Variants in TAOK1 observed in about 807,000 individuals in gnomAD.
The protein encoded by TAOK1 is serine/threonine-protein kinase TAO1.
In TAOK1, 21 loss-of-function variants were observed where a neutral mutation model predicts 138.3. That is an observed-to-expected ratio of 0.15 (90% CI 0.11 to 0.22). The LOEUF (loss-of-function observed/expected upper bound fraction) is 0.22. Among genes scored for constraint, TAOK1 ranks in the 10% least tolerant of loss-of-function variants. The probability of loss-of-function intolerance (pLI) is 1.00; values close to 1 mark genes in which losing one functional copy is unlikely to be tolerated. For missense variants in TAOK1, 651 were observed against 1,227.7 expected (o/e 0.53, Z 7.02); for synonymous variants, 361 against 398.4 (o/e 0.91, Z 1.12).
intron 1 of TAOK1, among the ~76,000 whole-genome samples, chr17:29,413,384 C>T (rs558630255): frequency 6.6e-6 from 1 of 152,018 alleles, no homozygotes; most frequent in Non-Finnish European, 1.5e-5. Flanking sequence ...ATTGTTTGAG[C>T]TCAGGAGTTC....
chr17:29,436,232 A>T (rs1906026877), intron 1 of TAOK1, among the ~76,000 whole-genome samples: 1 of 152,232 alleles, frequency 6.6e-6, no homozygotes, highest in Non-Finnish European at 1.5e-5. Flanking sequence ...GCGGAGAGAA[A>T]CATAACATGC....
intron 15 of TAOK1, chr17:29,513,015 T>A (rs1476809608): frequency 6.6e-6 from 1 of 150,952 alleles, no homozygotes; most frequent in Non-Finnish European, 1.5e-5. Flanking sequence ...TTATTCAAGA[T>A]AGTCACTAGG....
At chr17:29,473,571 T>C (rs900839225) in intron 3 of TAOK1, among the ~76,000 whole-genome samples, 2 of 146,508 alleles carry the variant, frequency 1.4e-5, no homozygotes, top group African/African-American at 5.1e-5. Flanking sequence ...TGCACTCCAG[T>C]GTGGATGGCA....
chr17:29,525,597 G>A (rs2031996255), intron 17 of TAOK1, among the ~76,000 whole-genome samples: 1 of 151,926 alleles, frequency 6.6e-6, no homozygotes. Context: ...GTTTCACCAT[G>A]TTGGCCCTGC....
intron 18 of TAOK1, among the ~76,000 whole-genome samples, chr17:29,531,024 C>T (rs1466994297): frequency 3.0e-5 from 4 of 133,214 alleles, no homozygotes; most frequent in South Asian, 2.4e-4. Flanking sequence ...TCCAGTGGCG[C>T]GATCTCGGCT....
intron 1 of TAOK1, among the ~76,000 whole-genome samples, chr17:29,402,183 G>A (rs10512431): frequency 1.3e-5 from 2 of 151,988 alleles, no homozygotes; most frequent in African/African-American, 2.4e-5. Context: ...CAGTAGTTTT[G>A]GATAATCATG....
chr17:29,466,263 C>T (rs1415002963), intron 2 of TAOK1, among the ~76,000 whole-genome samples: 1 of 152,120 alleles, frequency 6.6e-6, no homozygotes, highest in Non-Finnish European at 1.5e-5. Flanking sequence ...CCTGTCTCAG[C>T]CTCCCAAGTA....
At chr17:29,393,122 G>A (rs1399498844) in intron 1 of TAOK1, among the ~76,000 whole-genome samples, 1 of 152,030 alleles carries the variant, frequency 6.6e-6, no homozygotes, top group East Asian at 1.9e-4. Flanking sequence ...TTGATATGTA[G>A]AGTTTTCTCC....
Position 29,522,369 on chromosome 17 carries a change from C to T in TAOK1, c.1998C>T (p.His666=). The change falls in exon 17 of 20, where the codon CAC becomes CAT. Residue 666 remains histidine, a synonymous_variant. Transcript: ENST00000261716. ...HESMQELEFR[H]LNTIQKMRCE... ...CTATGCAAGAACTGGAGTTCCGCCA[C>T]CTCAACACAATTCAGAAGATGCGCT... is the stretch of plus-strand genomic sequence containing the variant. The T allele has an allele frequency of 6.2e-7, 1 of 1,614,168 alleles. No individual in the cohort carries two copies. Among genetic ancestry groups the T allele is most frequent in the East Asian group, 2.2e-5 (1 of 44,880 alleles).
At chr17:29,408,699 TG>T in intron 1 of TAOK1, among the ~76,000 whole-genome samples, 1 of 151,980 alleles carries the variant, frequency 6.6e-6, no homozygotes, top group East Asian at 1.9e-4. Flanking sequence ...CAGCCGCTGA[TG>T]TGATTTCTTT....
chr17:29,506,529 A>G (rs983901285), intron 13 of TAOK1, among the ~76,000 whole-genome samples: 3 of 152,170 alleles, frequency 2.0e-5, no homozygotes, highest in Admixed American at 6.6e-5. Flanking sequence ...GATAGGAGGA[A>G]TAGGTTTGGA....
intron 1 of TAOK1, among the ~76,000 whole-genome samples, chr17:29,435,081 T>C (rs1314068321): frequency 6.6e-6 from 1 of 152,194 alleles, no homozygotes; most frequent in Non-Finnish European, 1.5e-5. Context: ...AGGAAACCTC[T>C]GTGATGGGCA....
At chr17:29,402,812 G>A (rs1172886246) in intron 1 of TAOK1, among the ~76,000 whole-genome samples, 1 of 151,482 alleles carries the variant, frequency 6.6e-6, no homozygotes, top group Non-Finnish European at 1.5e-5. Context: ...CGAGGTGGGT[G>A]GATCACTTGA....
At chr17:29,472,004 A>G (rs967846902) in intron 3 of TAOK1, among the ~76,000 whole-genome samples, 5 of 152,132 alleles carry the variant, frequency 3.3e-5, no homozygotes, top group African/African-American at 1.2e-4. Context: ...TCCATGTGTA[A>G]TTCCAGTTTT....
Position 29,546,014 on chromosome 17 carries a change from T to G in TAOK1, c.*2992T>G, listed in dbSNP as rs1181814445. On this transcript the variant is annotated 3_prime_UTR_variant, in exon 20 of 20. Transcript: ENST00000261716. ...GCAAAGCCACATACTTTGAAATATA[T>G]TATTCCAAATTGAGCTCCCTTCCCT... 6.6e-6 allele frequency: 1 copy of G among 152,150 alleles called. No homozygotes were observed. The highest frequency in any genetic ancestry group is 1.5e-5 in the Non-Finnish European group (1 of 67,980). The allele number at this position is 152,150 out of a possible 1,614,324, so 9.4% of individuals were successfully genotyped here.
intron 10 of TAOK1, among the ~76,000 whole-genome samples, chr17:29,494,552 C>A (rs183347465): frequency 2.3e-4 from 35 of 152,002 alleles, no homozygotes; most frequent in Non-Finnish European, 4.7e-4. Context: ...GATAGCTGGG[C>A]GCGGTGGCTC....
chr17:29,511,546 A>G (rs1399413251), intron 15 of TAOK1: 2 of 147,814 alleles, frequency 1.4e-5, no homozygotes, highest in Non-Finnish European at 3.0e-5. Flanking sequence ...TTATGTTTTT[A>G]TTTTTTGTGT....
chr17:29,479,581 A>T (rs573585081), intron 6 of TAOK1, among the ~76,000 whole-genome samples: 2 of 152,318 alleles, frequency 1.3e-5, no homozygotes, highest in African/African-American at 4.8e-5. Context: ...CAAATTTAAG[A>T]TACCTCTCCA....
rs71138823 is a variant in TAOK1, at chr17:29,487,246, CAAAAAAAAAAAAAAA to C, written c.656-2403_656-2389del. 4.5e-3 allele frequency among the ~76,000 whole-genome samples: 404 copies of C among 90,282 alleles called. 14 individuals carry two copies. The highest frequency in any genetic ancestry group is 0.041 in the Admixed American group (354 of 8,652). 59.2% of individuals were successfully genotyped at this position (90,282 alleles called of 152,430 possible). On this transcript the variant is annotated intron_variant, in intron 8 of 19. Transcript: ENST00000261716. Reference sequence around the variant, plus strand: ...GGGCAACAGAGCGAGACTGTGTCTCCAAAAAAAAAAAAAAAAAAAAAAAAAAAAAGTATTAAGGAT... The same window carrying C: ...GGGCAACAGAGCGAGACTGTGTCTCCAAAAAAAAAAAAAAGTATTAAGGAT...
Sources: allele counts gnomAD v4.1 joint callset (sites outside exome capture counted in the v4.1 genomes callset), GRCh38; gene constraint gnomAD v4.1.1; transcripts MANE v1.5; gene names NCBI Gene and HGNC (gene_info 2026-07-23, HGNC 2026-07-21).